The following DCAKD variants were observed in gnomAD, a reference collection of about 807,000 sequenced individuals.
DCAKD encodes the protein dephospho-CoA kinase domain-containing protein.
DCAKD carries 15 observed loss-of-function variants against 18.7 expected under a neutral mutation model. That is an observed-to-expected ratio of 0.80 (90% CI 0.54 to 1.24). The LOEUF is 1.24. Ranked by LOEUF, DCAKD falls within the 50% of genes most tolerant of loss-of-function variation. The pLI is 0.00. For synonymous variants in DCAKD, 130 were observed against 133.0 expected, an observed-to-expected ratio of 0.98 and a Z score of 0.16; for missense variants, 301 against 322.0, an observed-to-expected ratio of 0.93 and a Z score of 0.50.
chr17:45,053,912 A>G (rs564930413), upstream of DCAKD, among the ~76,000 whole-genome samples: 2 of 152,286 alleles, frequency 1.3e-5, no homozygotes, highest in South Asian at 4.1e-4. Flanking sequence ...CCCTTTCCTT[A>G]AACTGTATCT....
chr17:45,056,155 CAAA>C (rs60557987), upstream of DCAKD, among the ~76,000 whole-genome samples: 11 of 127,958 alleles, frequency 8.6e-5, no homozygotes, highest in Non-Finnish European at 1.0e-4. Context: ...AGCTCCGTCT[CAAA>C]AAAAAAAAAA....
chr17:45,056,083 A>G (rs2053776163), upstream of DCAKD, among the ~76,000 whole-genome samples: 4 of 151,426 alleles, frequency 2.6e-5, no homozygotes, highest in Admixed American at 1.3e-4. Flanking sequence ...TGAACTCAGG[A>G]GGCAGAGGTT....
At position 45,030,114 on chromosome 17, in the gene DCAKD, T is replaced by A; in HGVS notation, c.382A>T (p.Lys128Ter). Reference protein sequence around the residue: ...FETKKLLKYMKHTVVVYCDRD... With the variant: ...FETKKLLKYM ...CACCAGTATACTACCACGGTGTGCT[T>A]CATGTACTTGAGCAACTTCTTGGTC... is the stretch of plus-strand genomic sequence containing the variant. Residue 128 changes from lysine (K) to a stop codon, truncating the protein, a stop_gained, in exon 4 of 5, where the codon AAG becomes TAG. Coordinates refer to ENST00000651974, the MANE Select transcript of DCAKD (RefSeq NM_001288655.2). LOFTEE classifies it high-confidence loss of function. 1 of 1,614,102 alleles carries A rather than the reference T, an allele frequency of 6.2e-7. No individual in the cohort carries two copies. Among genetic ancestry groups the A allele is most frequent in the Non-Finnish European group, 8.5e-7 (1 of 1,179,980 alleles).
intron 1 of DCAKD, among the ~76,000 whole-genome samples, chr17:45,047,344 T>A (rs958102874): frequency 2.6e-5 from 4 of 151,870 alleles, no homozygotes; most frequent in Non-Finnish European, 5.9e-5. Context: ...TGCAGTGGTG[T>A]GATCACAGCT....
upstream of DCAKD, among the ~76,000 whole-genome samples, chr17:45,054,438 G>A (rs1342502433): frequency 2.0e-5 from 3 of 151,996 alleles, no homozygotes; most frequent in African/African-American, 7.3e-5. Context: ...AGTAGAGATG[G>A]GGTTTCACCA....
chr17:45,028,655 C>A (rs942305291), intron 4 of DCAKD, among the ~76,000 whole-genome samples: 1 of 151,602 alleles, frequency 6.6e-6, no homozygotes, highest in Non-Finnish European at 1.5e-5. Context: ...GGTGATCCAC[C>A]TGCCTCGGCC....
chr17:45,026,719 C>T (rs1339518203), intron 4 of DCAKD: 2 of 985,292 alleles, frequency 2.0e-6, no homozygotes, highest in East Asian at 2.3e-4. Flanking sequence ...TATAGATTTC[C>T]TCTGTTACGG....
At chr17:45,044,989 T>A (rs960921738) in intron 1 of DCAKD, among the ~76,000 whole-genome samples, 2 of 152,336 alleles carry the variant, frequency 1.3e-5, no homozygotes, top group African/African-American at 4.8e-5. Context: ...TATGAAGGTT[T>A]AAGGAATTTG....
chr17:45,040,844 G>C (rs1426667447), intron 1 of DCAKD, among the ~76,000 whole-genome samples: 1 of 152,260 alleles, frequency 6.6e-6, no homozygotes, highest in African/African-American at 2.4e-5. Flanking sequence ...TTTGCATCGG[G>C]TGTCTCCAAA....
Position 45,034,961 on chromosome 17 carries a change from G to A in DCAKD, c.-76C>T. The A allele has an allele frequency of 2.0e-6, 3 of 1,486,080 alleles. No homozygotes were observed. The highest frequency in any genetic ancestry group is 1.2e-5 in the South Asian group (1 of 84,372). 92.1% of individuals were successfully genotyped at this position (1,486,080 alleles called of 1,614,324 possible). The stretch of plus-strand genomic sequence containing the variant: ...ATCACTGGAGAGCAGGGCAAGTGTG[G>A]CCGATGGGGGCGGTCCACCAGAGGA... On this transcript the variant is annotated 5_prime_UTR_variant, in exon 2 of 5. Coordinates refer to ENST00000651974, the MANE Select transcript of DCAKD (RefSeq NM_001288655.2).
At chr17:45,025,372 C>T (rs1185356516) in intron 4 of DCAKD, among the ~76,000 whole-genome samples, 2 of 152,156 alleles carry the variant, frequency 1.3e-5, no homozygotes, top group Non-Finnish European at 2.9e-5. Context: ...CAAAGAGGAT[C>T]AAGGACATGA....
chr17:45,026,241 T>C (rs2143165197), intron 4 of DCAKD, among the ~76,000 whole-genome samples: 1 of 145,956 alleles, frequency 6.9e-6, no homozygotes, highest in Non-Finnish European at 1.5e-5. Flanking sequence ...TTTTTTTCTT[T>C]TTTTGAGATG....
At chr17:45,039,494 AG>A (rs1359876819) in intron 1 of DCAKD, among the ~76,000 whole-genome samples, 3 of 152,252 alleles carry the variant, frequency 2.0e-5, no homozygotes, top group Non-Finnish European at 4.4e-5. Context: ...TGAATCAGCT[AG>A]GCCCAGAACC....
upstream of DCAKD, among the ~76,000 whole-genome samples, chr17:45,052,406 T>G (rs114901953): frequency 1.8e-3 from 268 of 152,162 alleles, 2 homozygotes; most frequent in African/African-American, 6.2e-3. Flanking sequence ...TCATCCCCAT[T>G]TTACACAACA....
chr17:45,031,943 T>C, intron 3 of DCAKD: 5 of 985,482 alleles, frequency 5.1e-6, no homozygotes, highest in Non-Finnish European at 6.0e-6. Context: ...GTCCTCATTT[T>C]TCACCTTATC....
rs766601603 is a variant in DCAKD, at chr17:45,034,306, C to A, written c.197G>T (p.Arg66Leu). Residue 66 changes from arginine to leucine, a missense_variant, in exon 3 of 5, where the codon CGC becomes CTC. Physicochemically the swap from Arg to Leu is moderately radical, Grantham distance 102. Coordinates refer to ENST00000651974, the MANE Select transcript of DCAKD (RefSeq NM_001288655.2). ...AAAGATCAGGTCCCCCAGGACCTTG[C>A]GATTTATGTCGCCGTTCTCCAGCAA... Reference protein sequence around the residue: ...EVLLENGDINRKVLGDLIFNQ... With the variant: ...EVLLENGDINLKVLGDLIFNQ... 1.2e-6 allele frequency: 2 copies of A among 1,614,140 alleles called. No homozygotes were observed. Among genetic ancestry groups the A allele is most frequent in the Non-Finnish European group, 1.7e-6 (2 of 1,180,038 alleles).
At chr17:45,044,641 G>A (rs981426739) in intron 1 of DCAKD, among the ~76,000 whole-genome samples, 3 of 151,958 alleles carry the variant, frequency 2.0e-5, no homozygotes, top group Admixed American at 2.0e-4. Context: ...GCAGTGAGCC[G>A]AGATTGTGCC....
At chr17:45,057,580 G>A (rs1377319209) in intron 1 of DCAKD, among the ~76,000 whole-genome samples, 1 of 151,374 alleles carries the variant, frequency 6.6e-6, no homozygotes, top group African/African-American at 2.4e-5. Flanking sequence ...GTGTGTGCCT[G>A]TAATCCCAGC....
chr17:45,024,824 T>C, intron 4 of DCAKD, 100 bp from the exon 5 acceptor site: 2 of 1,396,426 alleles, frequency 1.4e-6, no homozygotes, highest in Non-Finnish European at 1.9e-6. Context: ...ACAGAGAGCA[T>C]GGGGACTGGA....
Sources: allele counts gnomAD v4.1 joint callset (sites outside exome capture counted in the v4.1 genomes callset), GRCh38; gene constraint gnomAD v4.1.1; transcripts MANE v1.5; gene names NCBI Gene and HGNC (gene_info 2026-07-23, HGNC 2026-07-21).